The following TMEM198 variants were observed in gnomAD, a reference collection of about 807,000 sequenced individuals.
TMEM198 encodes the protein transmembrane protein 198.
Under a neutral mutation model 31.5 loss-of-function variants are expected in TMEM198, and 21 were observed. That is an observed-to-expected ratio of 0.67 (90% CI 0.47 to 0.96). TMEM198 has a LOEUF of 0.96. Among genes scored for constraint, TMEM198 ranks in the 40% least tolerant of loss-of-function variants. The pLI, the probability that TMEM198 is intolerant of heterozygous loss-of-function variation, is 0.00. For synonymous variants in TMEM198, 211 were observed against 223.3 expected (o/e 0.95, Z 0.49); for missense variants, 447 against 499.4 (o/e 0.89, Z 1.00).
intron 4 of TMEM198, 78 bp downstream of exon 4, chr2:219,549,432 A>G (rs1695485404): frequency 1.3e-6 from 2 of 1,505,604 alleles, no homozygotes; most frequent in Admixed American, 2.1e-5. Context: ...GGCTTTCCCC[A>G]CGGGCTGGTT....
At chr2:219,544,476 G>A (rs1242657618) in intron 1 of TMEM198, 99 bp downstream of exon 1, 13 of 586,520 alleles carry the variant, frequency 2.2e-5, no homozygotes, top group Middle Eastern at 2.6e-4. Context: ...CCCGACTCCC[G>A]TCCCTCTTTT....
At chr2:219,548,646 G>C (rs908982098) in intron 3 of TMEM198, among the ~76,000 whole-genome samples, 10 of 152,192 alleles carry the variant, frequency 6.6e-5, no homozygotes, top group African/African-American at 2.4e-4. Flanking sequence ...TGAGGTGTGG[G>C]AGCCAGAGTG....
rs1695511191 is a variant in TMEM198 at position 219,549,830 on chromosome 2, C to T, written c.1059C>T (p.Cys353=). Residue 353 remains cysteine (C), a synonymous_variant, in exon 5 of 5, where the codon TGC becomes TGT. Transcript: ENST00000373883. ...EYGSRGPLTA[C]SGPPVRV ...GGTCCCGGGGACCTCTGACAGCCTG[C>T]TCAGGCCCCCCAGTGCGGGTATAGC... 1 of 1,614,126 alleles carries T rather than the reference C, an allele frequency of 6.2e-7. No individual in the cohort carries two copies. The highest frequency in any genetic ancestry group is 8.5e-7 in the Non-Finnish European group (1 of 1,180,010).
chr2:219,549,592 C>T (rs1285553737), intron 4 of TMEM198, 125 bp from the exon 5 acceptor site: 2 of 1,451,074 alleles, frequency 1.4e-6, no homozygotes, highest in East Asian at 2.3e-5. Context: ...GGTGGGGTCT[C>T]AGGGCTGTGG....
Position 219,549,833 on chromosome 2 carries a change from A to C in TMEM198, c.1062A>C (p.Ser354=), listed in dbSNP as rs1695511301. The C allele has an allele frequency of 1.2e-6, 2 of 1,614,062 alleles. No homozygotes were observed. ...CCCGGGGACCTCTGACAGCCTGCTC[A>C]GGCCCCCCAGTGCGGGTATAGCCAT... ...YGSRGPLTAC[S]GPPVRV The change falls in exon 5 of 5, where the codon TCA becomes TCC. Residue 354 remains serine (S), a synonymous_variant. Coordinates refer to ENST00000373883, the MANE Select transcript of TMEM198 (RefSeq NM_001005209.3).
chr2:219,546,221 C>T (rs1262915642), intron 2 of TMEM198, among the ~76,000 whole-genome samples: 2 of 152,186 alleles, frequency 1.3e-5, no homozygotes, highest in Non-Finnish European at 2.9e-5. Flanking sequence ...CTCTCTCTGA[C>T]TCCTTGACCC....
In TMEM198 at chr2:219,544,181, G is replaced by T; in HGVS notation, c.-236G>T. The T allele has an allele frequency of 2.2e-6, 1 of 460,178 alleles. No homozygotes were observed. The allele number at this position is 460,178 out of a possible 1,614,324, so 28.5% of individuals were successfully genotyped here. Reference sequence around the variant, plus strand: ...AGTTCCCGGACGCCGCGGGACTGGAGTGCCAGCCGGTGTTGGACGTGGAGC... The same window carrying T: ...AGTTCCCGGACGCCGCGGGACTGGATTGCCAGCCGGTGTTGGACGTGGAGC... On this transcript the variant is annotated 5_prime_UTR_variant, in exon 1 of 5. Coordinates refer to ENST00000373883, the MANE Select transcript of TMEM198 (RefSeq NM_001005209.3).
At position 219,544,087 on chromosome 2, in the gene TMEM198, A is replaced by T; in HGVS notation, c.-330A>T. ...CAAAGGCCGCGGGCGGGCTCAGGGC[A>T]TGGGGCCGCGGTTCTGGGGCGGCCC... On this transcript the variant is annotated 5_prime_UTR_variant, in exon 1 of 5. The change abolishes an upstream ATG in the 5' untranslated region. Coordinates refer to ENST00000373883, the MANE Select transcript of TMEM198 (RefSeq NM_001005209.3). 2.3e-6 allele frequency: 1 copy of T among 432,346 alleles called. No individual in the cohort carries two copies. The highest frequency in any genetic ancestry group is 4.6e-6 in the Non-Finnish European group (1 of 215,728). 26.8% of individuals were successfully genotyped at this position (432,346 alleles called of 1,614,324 possible).
At chr2:219,548,991 A>G (rs2105996934) in intron 3 of TMEM198, 161 bp from the exon 4 acceptor site, 1 of 715,762 alleles carries the variant, frequency 1.4e-6, no homozygotes, top group South Asian at 1.8e-5. Context: ...GTCTCCTCTG[A>G]GAGGTAGGAG....
At chr2:219,549,514 G>A (rs897425428) in intron 4 of TMEM198, among the ~76,000 whole-genome samples, 160 bp downstream of exon 4, 15 of 152,190 alleles carry the variant, frequency 9.9e-5, no homozygotes, top group African/African-American at 3.1e-4. Context: ...GGGGCTTGGC[G>A]GGTCCAGCTG....
Position 219,549,176 on chromosome 2 carries a change from G to A in TMEM198, c.767G>A (p.Arg256His), listed in dbSNP as rs763015024. 1.3e-5 allele frequency: 21 copies of A among 1,613,854 alleles called. No individual in the cohort carries two copies. Among genetic ancestry groups the A allele is most frequent in the African/African-American group, 9.3e-5 (7 of 74,940 alleles). The change falls in exon 4 of 5, where the codon CGC (arginine) becomes CAC (histidine). Residue 256 changes from arginine to histidine, a missense_variant. Coordinates refer to ENST00000373883, the MANE Select transcript of TMEM198 (RefSeq NM_001005209.3). ...GTGGTCATCAGCCGGCAGCGCCGACGCGTGCAACTGATGCGGATTCGGCAG... is the reference window on the plus strand; with the variant it reads ...GTGGTCATCAGCCGGCAGCGCCGACACGTGCAACTGATGCGGATTCGGCAG... ...TEVVISRQRRRVQLMRIRQQE... is the reference protein window; with the variant it reads ...TEVVISRQRRHVQLMRIRQQE...
At chr2:219,548,788 T>TAGAAA (rs1345983340) in intron 3 of TMEM198, among the ~76,000 whole-genome samples, 5 of 152,170 alleles carry the variant, frequency 3.3e-5, no homozygotes, top group Non-Finnish European at 7.3e-5. Context: ...CTCATTCTGC[T>TAGAAA]GCCGAGTGTA....
chr2:219,545,686 G>A (rs1695374887), intron 2 of TMEM198, among the ~76,000 whole-genome samples: 1 of 152,200 alleles, frequency 6.6e-6, no homozygotes, highest in South Asian at 2.1e-4. Flanking sequence ...AGAGAGGAGA[G>A]TGAGCTCTAT....
At chr2:219,545,933 G>A (rs1253697867) in intron 2 of TMEM198, among the ~76,000 whole-genome samples, 2 of 152,066 alleles carry the variant, frequency 1.3e-5, no homozygotes, top group Non-Finnish European at 2.9e-5. Context: ...AGTGCCCCCC[G>A]CAAGGGTTCA....
intron 2 of TMEM198, among the ~76,000 whole-genome samples, chr2:219,546,148 C>T (rs1695384384): frequency 6.6e-6 from 1 of 152,106 alleles, no homozygotes; most frequent in Non-Finnish European, 1.5e-5. Flanking sequence ...TCACGAGCCT[C>T]CTGGACTCTC....
At chr2:219,543,814 G>A (rs1337551831), upstream of TMEM198, 1 of 445,388 alleles carries the variant, frequency 2.2e-6, no homozygotes, top group Non-Finnish European at 4.0e-6. Context: ...CACTGCAAGG[G>A]CCCCGCCCCC....
chr2:219,549,024 TG>T, intron 3 of TMEM198, 127 bp from the exon 4 acceptor site: 2 of 945,998 alleles, frequency 2.1e-6, no homozygotes, highest in Non-Finnish European at 1.6e-6. Flanking sequence ...AGTGACAGGG[TG>T]GGAGTAAGGG....
rs371204602 is a variant in TMEM198 at position 219,544,249 on chromosome 2, C to T, written c.-168C>T. 9 of 467,410 alleles carry T rather than the reference C, an allele frequency of 1.9e-5. No individual in the cohort carries two copies. Among genetic ancestry groups the T allele is most frequent in the Non-Finnish European group, 4.0e-5 (9 of 227,664 alleles). 29.0% of individuals were successfully genotyped at this position (467,410 alleles called of 1,614,324 possible). A position where few individuals can be genotyped will look rare whatever the true frequency, so the allele number is the denominator to read the frequency against. On this transcript the variant is annotated 5_prime_UTR_variant, in exon 1 of 5. Transcript: ENST00000373883. ...GACACCATTCTCTCCGGCCCAGCAG[C>T]CCCCTTCCTCGCACGACGGACTTTC...
intron 4 of TMEM198, 32 bp downstream of exon 4, chr2:219,549,386 AGAAG>A (rs1695482206): frequency 6.3e-7 from 1 of 1,592,738 alleles, no homozygotes; most frequent in East Asian, 2.2e-5. Flanking sequence ...AGCCAGAATG[AGAAG>A]GAAGTGTGGA....
Sources: allele counts gnomAD v4.1 joint callset (sites outside exome capture counted in the v4.1 genomes callset), GRCh38; gene constraint gnomAD v4.1.1; transcripts MANE v1.5; gene names NCBI Gene and HGNC (gene_info 2026-07-23, HGNC 2026-07-21).